The following TMEM132E variants were observed in gnomAD, a reference collection of about 807,000 sequenced individuals.
TMEM132E encodes the protein transmembrane protein 132E.
TMEM132E carries 49 observed loss-of-function variants against 78.5 expected under a neutral mutation model. The ratio of observed to expected loss-of-function variants is 0.62; its 90% CI spans 0.50 to 0.79. The LOEUF is 0.79. Ranked by LOEUF, TMEM132E falls within the 30% of genes least tolerant of loss-of-function variation. The probability of loss-of-function intolerance (pLI) is 0.00; values close to 1 mark genes in which losing one functional copy is unlikely to be tolerated. For missense variants in TMEM132E, 1,403 were observed against 1,470.9 expected (o/e 0.95, Z 0.75); for synonymous variants, 715 against 670.6 (o/e 1.07, Z -1.02).
chr17:34,581,029 C>G lies in TMEM132E; in HGVS notation c.-48C>G, dbSNP rs890331847. 95 of 1,484,540 alleles carry G rather than the reference C, an allele frequency of 6.4e-5. No individual in the cohort carries two copies. Among genetic ancestry groups the G allele is most frequent in the Non-Finnish European group, 8.1e-5 (90 of 1,110,246 alleles). The allele number at this position is 1,484,540 out of a possible 1,614,324, so 92.0% of individuals were successfully genotyped here. On this transcript the variant is annotated 5_prime_UTR_variant, in exon 1 of 9. Transcript: ENST00000631683. Reference sequence around the variant, plus strand: ...GACCAAGCCCAGCCTGGGGCCAAGTCGTCGTCGACTGTTGCTCTCTCGGAC... The same window carrying G: ...GACCAAGCCCAGCCTGGGGCCAAGTGGTCGTCGACTGTTGCTCTCTCGGAC...
At chr17:34,631,944 TC>T (rs1907360997) in intron 5 of TMEM132E, among the ~76,000 whole-genome samples, 1 of 152,204 alleles carries the variant, frequency 6.6e-6, no homozygotes, top group Non-Finnish European at 1.5e-5. Flanking sequence ...CAGTGACACC[TC>T]TGTGAGTGGG....
intron 4 of TMEM132E, 110 bp downstream of exon 4, chr17:34,629,314 AT>A: frequency 8.1e-7 from 1 of 1,241,086 alleles, no homozygotes; most frequent in Non-Finnish European, 1.1e-6. Context: ...ACATGTGTGT[AT>A]ATGTGAGACT....
intron 1 of TMEM132E, among the ~76,000 whole-genome samples, chr17:34,623,950 C>A (rs1469283068): frequency 2.6e-5 from 4 of 152,208 alleles, no homozygotes; most frequent in Non-Finnish European, 5.9e-5. Flanking sequence ...CACCCCCACC[C>A]CACCATCAGC....
In TMEM132E at chr17:34,604,254, C is replaced by T. The variant is rs148238296; in HGVS notation, c.68-21873C>T. On this transcript the variant is annotated intron_variant, in intron 1 of 8. Transcript: ENST00000631683. ...TCAGAATGGCTTCTTAGGAAGGGTTCGCTCCTTCTTTGCTGCTACTGCCTG... is the reference window on the plus strand; with the variant it reads ...TCAGAATGGCTTCTTAGGAAGGGTTTGCTCCTTCTTTGCTGCTACTGCCTG... Among the ~76,000 whole-genome samples the T allele has an allele frequency of 2.0e-3, 300 of 152,246 alleles. 1 individual carries two copies. The highest frequency in any genetic ancestry group is 6.8e-3 in the African/African-American group (282 of 41,548).
chr17:34,625,431 G>A lies in TMEM132E; in HGVS notation c.68-696G>A, dbSNP rs147180483. ...GTACAATACTAAGGAGCTTGGGTTC[G>A]AGAGTCAGGGGACCCCAGGTTCAAG... On this transcript the variant is annotated intron_variant, in intron 1 of 8. Transcript: ENST00000631683. Among the ~76,000 whole-genome samples, 730 of 152,270 alleles carry A rather than the reference G, an allele frequency of 4.8e-3. 6 individuals carry two copies. Among genetic ancestry groups the A allele is most frequent in the African/African-American group, 0.017 (705 of 41,540 alleles).
chr17:34,628,585 A>G lies in TMEM132E; in HGVS notation c.1021A>G (p.Thr341Ala). The G allele has an allele frequency of 6.8e-6, 11 of 1,613,870 alleles. No individual in the cohort carries two copies. Among genetic ancestry groups the G allele is most frequent in the Non-Finnish European group, 9.3e-6 (11 of 1,179,948 alleles). The part of the protein sequence containing the change: ...TLRVKAKKGV[T>A]LLGTKSRSGQ... ...CAGGGTGAAGGCCAAGAAGGGTGTG[A>G]CCCTTTTAGGTACCAAGTCACGGAG... The change falls in exon 3 of 9, where the codon ACC (threonine) becomes GCC (alanine). Residue 341 changes from threonine to alanine, a missense_variant. Transcript: ENST00000631683.
chr17:34,593,554 G>A (rs1354401468), intron 1 of TMEM132E, among the ~76,000 whole-genome samples: 1 of 152,172 alleles, frequency 6.6e-6, no homozygotes, highest in Non-Finnish European at 1.5e-5. Flanking sequence ...GATAAGCTGA[G>A]CCCACTCACC....
intron 1 of TMEM132E, among the ~76,000 whole-genome samples, chr17:34,615,774 C>T (rs1302997429): frequency 1.3e-5 from 2 of 151,694 alleles, no homozygotes; most frequent in Non-Finnish European, 2.9e-5. Context: ...GGGAGTCGGT[C>T]GCTGGGTCTT....
At chr17:34,607,883 C>T (rs561148166) in intron 1 of TMEM132E, among the ~76,000 whole-genome samples, 19 of 152,164 alleles carry the variant, frequency 1.2e-4, no homozygotes, top group African/African-American at 4.3e-4. Flanking sequence ...TTGGGGTGTA[C>T]CACTTTCCCA....
intron 1 of TMEM132E, among the ~76,000 whole-genome samples, chr17:34,624,139 G>A (rs1232045736): frequency 6.6e-6 from 1 of 152,210 alleles, no homozygotes; most frequent in Non-Finnish European, 1.5e-5. Context: ...GAAGATTACT[G>A]CAGATTTTAT....
rs1349469061 is a variant in TMEM132E at position 34,634,963 on chromosome 17, C to T, written c.1853C>T (p.Pro618Leu). The T allele has an allele frequency of 2.5e-6, 4 of 1,614,020 alleles. No homozygotes were observed. The highest frequency in any genetic ancestry group is 1.3e-5 in the African/African-American group (1 of 74,924). The change falls in exon 7 of 9, where the codon CCG (proline) becomes CTG (leucine). Residue 618 changes from proline (P) to leucine (L), a missense_variant. Physicochemically the swap from Pro to Leu is moderately conservative, Grantham distance 98 (BLOSUM62 -3). Coordinates refer to ENST00000631683, the MANE Select transcript of TMEM132E (RefSeq NM_001304438.2). ...GTDQVVTMLG[P>L]DWLVEVTDLV... is the part of the protein sequence containing the mutation. ...GACCAGGTGGTCACCATGTTAGGCC[C>T]GGACTGGCTGGTGGAGGTCACCGAC...
In TMEM132E at chr17:34,632,789, T is replaced by A. The variant is rs1157985488; in HGVS notation, c.1568T>A (p.Val523Asp). 5.6e-6 allele frequency: 9 copies of A among 1,614,064 alleles called. No homozygotes were observed. The Admixed American group carries it at 1.2e-4, about 21-fold the overall frequency. ...MNARVTFRYD[V>D]LNAPLEMTVW... ...GCCAGGGTCACCTTCCGCTACGACG[T>A]CCTCAATGCTCCCCTGGAAATGACA... Residue 523 changes from valine to aspartate, a missense_variant, in exon 6 of 9, where the codon GTC becomes GAC. Physicochemically the swap from Val to Asp is radical, Grantham distance 152 (BLOSUM62 -3). Transcript: ENST00000631683.
intron 1 of TMEM132E, among the ~76,000 whole-genome samples, chr17:34,593,041 A>C (rs1905929708): frequency 6.6e-6 from 1 of 152,208 alleles, no homozygotes; most frequent in Non-Finnish European, 1.5e-5. Flanking sequence ...CATGAGAAAA[A>C]GTGAAAAGAA....
intron 2 of TMEM132E, 96 bp from the exon 3 acceptor site, chr17:34,628,467 C>A: frequency 7.1e-7 from 1 of 1,416,012 alleles, no homozygotes; most frequent in Admixed American, 2.7e-5. Flanking sequence ...TTATCTGTTC[C>A]CCCTCCCCCC....
intron 3 of TMEM132E, 27 bp from the exon 4 acceptor site, chr17:34,628,985 C>G: frequency 2.0e-6 from 3 of 1,530,716 alleles, no homozygotes; most frequent in Non-Finnish European, 2.6e-6. Context: ...TCATCCTCTG[C>G]TCTCCTTCCC....
At chr17:34,615,275 A>G (rs762734849) in intron 1 of TMEM132E, among the ~76,000 whole-genome samples, 1 of 152,004 alleles carries the variant, frequency 6.6e-6, no homozygotes, top group Non-Finnish European at 1.5e-5. Context: ...CTAGCCCCCA[A>G]GTTAGCTGAG....
At chr17:34,605,354 A>G (rs1381446281) in intron 1 of TMEM132E, among the ~76,000 whole-genome samples, 1 of 152,154 alleles carries the variant, frequency 6.6e-6, no homozygotes. Context: ...CACCTCCCTC[A>G]GTGAGTGGGG....
intron 1 of TMEM132E, among the ~76,000 whole-genome samples, chr17:34,621,498 C>T (rs1273404810): frequency 2.6e-5 from 4 of 152,140 alleles, no homozygotes; most frequent in East Asian, 1.9e-4. Flanking sequence ...TTCTGAGATA[C>T]GGAGGGTTAG....
intron 1 of TMEM132E, among the ~76,000 whole-genome samples, chr17:34,613,620 C>T (rs540037150): frequency 7.9e-5 from 12 of 152,144 alleles, no homozygotes; most frequent in East Asian, 3.9e-4. Context: ...CTCCGCCTCC[C>T]CCTATCTCTT....
Sources: gnomAD v4.1 joint callset for allele counts (sites outside exome capture counted in the v4.1 genomes callset) on GRCh38, gnomAD v4.1.1 for gene constraint, MANE v1.5 for transcripts, NCBI Gene and HGNC (gene_info 2026-07-23, HGNC 2026-07-21) for gene names.